Variants in DMD observed in about 807,000 individuals in gnomAD.
DMD encodes the protein dystrophin.
DMD carries 63 observed loss-of-function variants against 330.1 expected under a neutral mutation model. The observed-to-expected ratio is 0.19, with a 90% CI of 0.16 to 0.24. DMD has a LOEUF of 0.24. Ranked by LOEUF, DMD falls within the 10% of genes least tolerant of loss-of-function variation. The pLI is 1.00. For synonymous variants in DMD, 1,223 were observed against 959.8 expected (o/e 1.27, Z -5.07); for missense variants, 3,344 against 2,684.1 (o/e 1.25, Z -5.43).
At chrX:31,935,590 T>C (rs775142220) in intron 45 of DMD, among the ~76,000 whole-genome samples, 2 of 111,804 alleles carry the variant, frequency 1.8e-5, no homozygotes, top group South Asian at 3.7e-4. Context: ...TCTCTGTTTC[T>C]ACTCTGCAAA....
chrX:31,852,129 T>G (rs2093538801), intron 48 of DMD, among the ~76,000 whole-genome samples: 1 of 111,450 alleles, frequency 9.0e-6, no homozygotes, highest in Admixed American at 9.6e-5. Context: ...TTGGCTGTTA[T>G]CCTGAGTGAG....
intron 16 of DMD, among the ~76,000 whole-genome samples, chrX:32,561,838 A>G (rs1053742855): frequency 1.8e-5 from 2 of 112,027 alleles, no homozygotes; most frequent in Non-Finnish European, 1.9e-5. Context: ...GTAACAGCAG[A>G]TCTCTCAGCA....
At chrX:32,920,313 T>G (rs2088266977) in intron 2 of DMD, among the ~76,000 whole-genome samples, 1 of 112,185 alleles carries the variant, frequency 8.9e-6, no homozygotes, top group Non-Finnish European at 1.9e-5. Flanking sequence ...CATTTATCTA[T>G]CAATTATATC....
At chrX:32,849,030 G>A (rs564999073) in intron 3 of DMD, among the ~76,000 whole-genome samples, 1 of 111,257 alleles carries the variant, frequency 9.0e-6, no homozygotes, top group East Asian at 2.8e-4. Context: ...TTGTAATGAA[G>A]GGCAAAGATA....
At chrX:32,633,449 G>A (rs1468515872) in intron 11 of DMD, among the ~76,000 whole-genome samples, 2 of 111,917 alleles carry the variant, frequency 1.8e-5, no homozygotes, top group South Asian at 3.7e-4. Flanking sequence ...CATTTAACCA[G>A]TCTCTAAGAC....
chrX:31,123,683 G>T (rs1314081610), intron 78 of DMD, among the ~76,000 whole-genome samples: 1 of 111,801 alleles, frequency 8.9e-6, no homozygotes, highest in Non-Finnish European at 1.9e-5. Context: ...CGATCTTTAC[G>T]GTTAACAAAA....
intron 41 of DMD, among the ~76,000 whole-genome samples, chrX:32,314,225 G>T (rs1443535646): frequency 3.6e-5 from 4 of 111,203 alleles, no homozygotes; most frequent in African/African-American, 9.8e-5. Context: ...CAGAACAGAG[G>T]CCTCAGAAAT....
At chrX:31,570,659 G>C (rs1215197934) in intron 55 of DMD, among the ~76,000 whole-genome samples, 1 of 100,989 alleles carries the variant, frequency 9.9e-6, no homozygotes, top group African/African-American at 3.6e-5. Flanking sequence ...TTCCCTTTTC[G>C]GGCCAGTATA....
chrX:32,189,091 A>C (rs957615385), intron 44 of DMD, among the ~76,000 whole-genome samples: 2 of 110,928 alleles, frequency 1.8e-5, no homozygotes, highest in African/African-American at 3.3e-5. Flanking sequence ...CTATTCATAA[A>C]GTATTTTTAA....
intron 51 of DMD, among the ~76,000 whole-genome samples, chrX:31,750,538 G>A (rs755468455): frequency 9.9e-5 from 11 of 111,070 alleles, no homozygotes; most frequent in Non-Finnish European, 1.1e-4. Context: ...TGCTGTTTTG[G>A]TTACTGTAGC....
At chrX:32,875,519 C>T (rs950339871) in intron 2 of DMD, among the ~76,000 whole-genome samples, 2 of 111,958 alleles carry the variant, frequency 1.8e-5, no homozygotes, top group African/African-American at 6.5e-5. Context: ...CACTTTAATC[C>T]AGTGCCAGGC....
chrX:32,122,883 A>G lies in DMD; in HGVS notation c.6438+94033T>C, dbSNP rs913871286. On this transcript the variant is annotated intron_variant, in intron 44 of 78. Transcript: ENST00000357033. Reference sequence around the variant, plus strand: ...TTTTCTTCTCACATTGAACATTACAAGATAAATTAAAATAATTTTATCTAA... The same window carrying G: ...TTTTCTTCTCACATTGAACATTACAGGATAAATTAAAATAATTTTATCTAA... Among the ~76,000 whole-genome samples, 5 of 110,966 alleles carry G rather than the reference A, an allele frequency of 4.5e-5. No homozygotes were observed. In the Admixed American group the frequency reaches 4.8e-4, roughly 11 times the overall value.
At chrX:32,748,060 A>G (rs1296678542) in intron 7 of DMD, among the ~76,000 whole-genome samples, 3 of 111,327 alleles carry the variant, frequency 2.7e-5, no homozygotes, top group South Asian at 7.7e-4. Flanking sequence ...GAAAAAGTGT[A>G]GGCCAGGTGT....
chrX:31,755,811 T>C (rs749956861), intron 51 of DMD, among the ~76,000 whole-genome samples: 1 of 112,123 alleles, frequency 8.9e-6, no homozygotes, highest in South Asian at 3.7e-4. Context: ...TTGTGTTATT[T>C]TTTGCATACT....
chrX:31,202,933 G>A (rs919045495), intron 67 of DMD, among the ~76,000 whole-genome samples: 1 of 112,163 alleles, frequency 8.9e-6, no homozygotes, highest in Non-Finnish European at 1.9e-5. Context: ...TATAAAGAAA[G>A]CTTCAAAGAC....
Position 31,996,503 on chromosome X carries a change from T to C in DMD, c.6439-27989A>G, listed in dbSNP as rs138909518. Among the ~76,000 whole-genome samples, 912 of 111,706 alleles carry C rather than the reference T, an allele frequency of 8.2e-3. 10 individuals carry two copies. Among genetic ancestry groups the C allele is most frequent in the African/African-American group, 0.027 (830 of 30,749 alleles). On this transcript the variant is annotated intron_variant, in intron 44 of 78. Coordinates refer to ENST00000357033, the MANE Select transcript of DMD (RefSeq NM_004006.3). Reference sequence around the variant, plus strand: ...TTGTGAGTGGCACAGATTTATGTAATGGCAACTGGGAACAAAAACAGCCAA... The same window carrying C: ...TTGTGAGTGGCACAGATTTATGTAACGGCAACTGGGAACAAAAACAGCCAA...
chrX:31,879,150 A>G (rs1283561601), intron 47 of DMD, among the ~76,000 whole-genome samples: 1 of 103,765 alleles, frequency 9.6e-6, no homozygotes, highest in Non-Finnish European at 2.0e-5. Flanking sequence ...ACAAAGACAT[A>G]TCTGAGACTG....
At chrX:31,429,341 T>C (rs1221153028) in intron 60 of DMD, among the ~76,000 whole-genome samples, 1 of 111,671 alleles carries the variant, frequency 9.0e-6, no homozygotes, top group East Asian at 2.8e-4. Flanking sequence ...TGCAGTCAGA[T>C]AGTAGCCAAA....
At chrX:32,823,478 T>G in intron 4 of DMD, 91 bp from the exon 5 acceptor site, 1 of 641,432 alleles carries the variant, frequency 1.6e-6, no homozygotes, top group East Asian at 3.3e-5. Context: ...GGTAATTGCA[T>G]TTAGCTATTT....
Sources: gnomAD v4.1 joint callset for allele counts (sites outside exome capture counted in the v4.1 genomes callset) on GRCh38, gnomAD v4.1.1 for gene constraint, MANE v1.5 for transcripts, NCBI Gene and HGNC (gene_info 2026-07-23, HGNC 2026-07-21) for gene names.